The following COL25A1 variants were observed in gnomAD, a reference collection of about 807,000 sequenced individuals.
The protein encoded by COL25A1 is collagen alpha-1(XXV) chain.
A neutral mutation model predicts 128.4 loss-of-function variants in COL25A1; 103 were observed. That is an observed-to-expected ratio of 0.80 (90% CI 0.68 to 0.94). COL25A1 has a LOEUF of 0.94. COL25A1 is among the 40% of genes least tolerant of loss of function. The probability of loss-of-function intolerance (pLI) is 0.00; values close to 1 mark genes in which losing one functional copy is unlikely to be tolerated. For missense variants in COL25A1, 745 were observed against 840.0 expected (o/e 0.89, Z 1.40); for synonymous variants, 279 against 277.2 (o/e 1.01, Z -0.06).
intron 6 of COL25A1, among the ~76,000 whole-genome samples, chr4:108,988,921 C>A (rs1753915722): frequency 6.6e-6 from 1 of 152,096 alleles, no homozygotes. Flanking sequence ...TCTGTCTTTT[C>A]TTCCCCTCTA....
At chr4:109,240,347 T>C (rs1348215434) in intron 3 of COL25A1, among the ~76,000 whole-genome samples, 2 of 152,058 alleles carry the variant, frequency 1.3e-5, no homozygotes, top group East Asian at 1.9e-4. Flanking sequence ...TATGACATTA[T>C]TAGGTGACAG....
chr4:109,222,777 C>T (rs1026336323), intron 3 of COL25A1, among the ~76,000 whole-genome samples: 17 of 152,220 alleles, frequency 1.1e-4, no homozygotes, highest in Non-Finnish European at 1.5e-4. Flanking sequence ...ACCTATATTG[C>T]TGAATGAAAA....
chr4:109,158,593 C>T (rs1772252566), intron 3 of COL25A1, among the ~76,000 whole-genome samples: 1 of 152,126 alleles, frequency 6.6e-6, no homozygotes, highest in African/African-American at 2.4e-5. Flanking sequence ...TAAGTCGTGG[C>T]CCTGCCCTCA....
intron 12 of COL25A1, among the ~76,000 whole-genome samples, chr4:108,918,432 C>T (rs1272821469): frequency 6.6e-6 from 1 of 152,124 alleles, no homozygotes; most frequent in African/African-American, 2.4e-5. Context: ...TCTAAGTATC[C>T]ACTTAACTTT....
At chr4:109,081,947 G>A (rs1042798782) in intron 3 of COL25A1, among the ~76,000 whole-genome samples, 20 of 151,942 alleles carry the variant, frequency 1.3e-4, no homozygotes, top group Non-Finnish European at 2.2e-4. Context: ...TAGGTAATCC[G>A]CCCGCCTCAG....
chr4:109,260,559 G>C (rs932772350), intron 3 of COL25A1, among the ~76,000 whole-genome samples: 4 of 151,998 alleles, frequency 2.6e-5, no homozygotes, highest in Non-Finnish European at 5.9e-5. Context: ...GCAGTGGCAC[G>C]ATCTTGGCTC....
chr4:108,822,059 T>C (rs1393812481), intron 35 of COL25A1, among the ~76,000 whole-genome samples: 3 of 128,062 alleles, frequency 2.3e-5, no homozygotes, highest in African/African-American at 8.6e-5. Context: ...TTTTTTTTTT[T>C]TGGGACAGGG....
intron 3 of COL25A1, among the ~76,000 whole-genome samples, chr4:109,127,197 C>T (rs1768702798): frequency 1.3e-5 from 2 of 152,138 alleles, no homozygotes; most frequent in African/African-American, 4.8e-5. Flanking sequence ...TGTTTTGATA[C>T]ATTTGAGTAT....
chr4:109,024,397 A>T (rs903220182), intron 5 of COL25A1, among the ~76,000 whole-genome samples: 1 of 152,030 alleles, frequency 6.6e-6, no homozygotes, highest in East Asian at 1.9e-4. Context: ...TGTAGTATAC[A>T]AAATACAGAT....
At chr4:109,202,629 A>G (rs1471788333) in intron 3 of COL25A1, among the ~76,000 whole-genome samples, 2 of 152,224 alleles carry the variant, frequency 1.3e-5, no homozygotes, top group Non-Finnish European at 2.9e-5. Context: ...TTCATAAAAT[A>G]GTATGTAAAT....
intron 3 of COL25A1, among the ~76,000 whole-genome samples, chr4:109,247,581 T>C (rs1780355874): frequency 6.6e-6 from 1 of 152,064 alleles, no homozygotes; most frequent in Non-Finnish European, 1.5e-5. Context: ...CCAATGAATG[T>C]TAGAATCATA....
At chr4:109,015,365 G>A (rs1405156) in intron 5 of COL25A1, among the ~76,000 whole-genome samples, 77,707 of 152,086 alleles carry the variant, frequency 0.51, 22,601 homozygotes, top group African/African-American at 0.78. Context: ...ATGAGTAGTT[G>A]TAAATTATGA....
intron 11 of COL25A1, chr4:108,920,965 A>G (rs1195067530): frequency 5.8e-6 from 1 of 173,598 alleles, no homozygotes; most frequent in Non-Finnish European, 1.2e-5. Context: ...AATGCAATGT[A>G]GTTTCTCAGC....
chr4:109,104,442 A>G (rs1455707222), intron 3 of COL25A1, among the ~76,000 whole-genome samples: 2 of 151,938 alleles, frequency 1.3e-5, no homozygotes, highest in African/African-American at 4.8e-5. Flanking sequence ...GTAATGAATT[A>G]ATGGTTCCAA....
At chr4:109,139,079 GCTT>G (rs1770121306) in intron 3 of COL25A1, among the ~76,000 whole-genome samples, 1 of 152,078 alleles carries the variant, frequency 6.6e-6, no homozygotes, top group South Asian at 2.1e-4. Flanking sequence ...GTGATGATGA[GCTT>G]TTTTTCATAT....
chr4:109,154,351 T>A (rs1771828460), intron 3 of COL25A1, among the ~76,000 whole-genome samples: 1 of 152,234 alleles, frequency 6.6e-6, no homozygotes, highest in African/African-American at 2.4e-5. Context: ...ACAGTTTATG[T>A]ACAGTGTTAT....
intron 11 of COL25A1, among the ~76,000 whole-genome samples, chr4:108,934,444 C>A (rs1747170706): frequency 6.6e-6 from 1 of 152,016 alleles, no homozygotes; most frequent in African/African-American, 2.4e-5. Flanking sequence ...TGTATCAAAT[C>A]TGCACATTGT....
intron 24 of COL25A1, among the ~76,000 whole-genome samples, chr4:108,853,180 A>G (rs1297276126): frequency 1.3e-5 from 2 of 152,116 alleles, no homozygotes; most frequent in African/African-American, 4.8e-5. Context: ...ATTTTAATTC[A>G]CCTGATTGAA....
chr4:108,970,059 G>T (rs777538260), intron 8 of COL25A1, among the ~76,000 whole-genome samples: 1 of 151,876 alleles, frequency 6.6e-6, no homozygotes, highest in Non-Finnish European at 1.5e-5. Context: ...TCGCCACCAC[G>T]CCTGGCTACT....
Sources: allele counts gnomAD v4.1 joint callset (sites outside exome capture counted in the v4.1 genomes callset), GRCh38; gene constraint gnomAD v4.1.1; transcripts MANE v1.5; gene names NCBI Gene and HGNC (gene_info 2026-07-23, HGNC 2026-07-21).